The following SHMT2 variants were observed in gnomAD, a reference collection of about 807,000 sequenced individuals.
SHMT2 encodes the protein serine hydroxymethyltransferase 2.
Under a neutral mutation model 59.6 loss-of-function variants are expected in SHMT2, and 38 were observed. That is an observed-to-expected ratio of 0.64 (90% CI 0.49 to 0.84). The LOEUF (loss-of-function observed/expected upper bound fraction) is 0.84, where lower values mean the gene tolerates loss of function less well. Ranked by LOEUF, SHMT2 falls within the 40% of genes least tolerant of loss-of-function variation. The probability of loss-of-function intolerance (pLI) is 0.00; values close to 1 mark genes in which losing one functional copy is unlikely to be tolerated. For missense variants in SHMT2, 533 were observed against 659.5 expected, an observed-to-expected ratio of 0.81 and a Z score of 2.10; for synonymous variants, 254 against 258.1, an observed-to-expected ratio of 0.98 and a Z score of 0.15.
At position 57,233,192 on chromosome 12, in the gene SHMT2, C is replaced by A; in HGVS notation, c.870C>A (p.Ile290=). ...ACCTCTCACACAGGTCAGGGCTCAT[C>A]TTCTACCGGAAAGGGGTGAAGGCTG... is the stretch of plus-strand genomic sequence containing the variant. ...KTLRGARSGL[I]FYRKGVKAVD... Residue 290 remains isoleucine (I), a synonymous_variant, in exon 8 of 12, where the codon ATC becomes ATA. Transcript: ENST00000328923. 1 of 1,566,276 alleles carries A rather than the reference C, an allele frequency of 6.4e-7. No individual in the cohort carries two copies. Among genetic ancestry groups the A allele is most frequent in the South Asian group, 1.2e-5 (1 of 84,574 alleles).
At chr12:57,231,311 A>T (rs765565641) in intron 2 of SHMT2, 170 bp from the exon 3 acceptor site, 163 of 703,278 alleles carry the variant, frequency 2.3e-4, no homozygotes, top group South Asian at 8.3e-4. Context: ...CTCATGGCAG[A>T]TGGGTTTCTG....
intron 1 of SHMT2, 128 bp downstream of exon 1, chr12:57,229,939 G>T (rs1222291991): frequency 6.7e-7 from 1 of 1,491,666 alleles, no homozygotes; most frequent in African/African-American, 1.4e-5. Context: ...CTCAGGGAGC[G>T]GACGTGTAAC....
At position 57,231,005 on chromosome 12, in the gene SHMT2, G is replaced by C; in HGVS notation, c.231+5G>C. The C allele has an allele frequency of 6.2e-7, 1 of 1,613,098 alleles. No homozygotes were observed. Among genetic ancestry groups the C allele is most frequent in the Non-Finnish European group, 8.5e-7 (1 of 1,179,940 alleles). ...CTGGAGCTCATTGCCTCAGAGGTGGGACCTGGGGAGATGGGCAGGGGTTGG... is the reference window on the plus strand; with the variant it reads ...CTGGAGCTCATTGCCTCAGAGGTGGCACCTGGGGAGATGGGCAGGGGTTGG... On this transcript the variant is annotated splice_donor_5th_base_variant and intron_variant, in intron 2 of 11. Transcript: ENST00000328923.
chr12:57,232,669 C>A (rs141575043), intron 6 of SHMT2, 35 bp from the exon 7 acceptor site: 1 of 1,607,182 alleles, frequency 6.2e-7, no homozygotes, highest in Non-Finnish European at 8.5e-7. Context: ...TCCGGGCCCT[C>A]CCCAGGCTGA....
In SHMT2 at chr12:57,231,561, G is replaced by A. The variant is rs2037318424; in HGVS notation, c.311+1G>A. On this transcript the variant is annotated splice_donor_variant, in intron 3 of 11. Coordinates refer to ENST00000328923, the MANE Select transcript of SHMT2 (RefSeq NM_005412.6). LOFTEE classifies it high-confidence loss of function. ...ACTCGGAGGGTTATCCTGGCAAGAG[G>A]TGAGGGCTGGAGGGCAGTGTCAGGG... 6 of 1,614,228 alleles carry A rather than the reference G, an allele frequency of 3.7e-6. No homozygotes were observed. The highest frequency in any genetic ancestry group is 5.1e-6 in the Non-Finnish European group (6 of 1,180,042).
intron 1 of SHMT2, chr12:57,230,474 G>T: frequency 8.2e-7 from 1 of 1,220,558 alleles, no homozygotes; most frequent in Non-Finnish European, 1.0e-6. Context: ...TGGGTGGGAA[G>T]GTTCTGGAAT....
chr12:57,234,923 T>C lies in SHMT2; in HGVS notation c.*562T>C, dbSNP rs1308615323. On this transcript the variant is annotated 3_prime_UTR_variant, in exon 12 of 12. Transcript: ENST00000328923. Reference sequence around the variant, plus strand: ...GCAAATTCAATTTGTTAAATGAAATTGTATTTTGCCCACGGCTGCTTCTGT... The same window carrying C: ...GCAAATTCAATTTGTTAAATGAAATCGTATTTTGCCCACGGCTGCTTCTGT... 1 of 155,666 alleles carries C rather than the reference T, an allele frequency of 6.4e-6. No individual in the cohort carries two copies. Among genetic ancestry groups the C allele is most frequent in the Non-Finnish European group, 1.4e-5 (1 of 70,116 alleles). The allele number at this position is 155,666 out of a possible 1,614,324, so 9.6% of individuals were successfully genotyped here.
chr12:57,231,450 T>G (rs1326151002), intron 2 of SHMT2, 31 bp from the exon 3 acceptor site: 11 of 1,609,730 alleles, frequency 6.8e-6, no homozygotes, highest in African/African-American at 1.3e-5. Flanking sequence ...AGGGGCTCAA[T>G]ACCTTCTGAC....
rs1282368353 is a variant in SHMT2 at position 57,234,223 on chromosome 12, T to C, written c.1388-11T>C. The C allele has an allele frequency of 1.9e-6, 3 of 1,609,732 alleles. No homozygotes were observed. Among genetic ancestry groups the C allele is most frequent in the Non-Finnish European group, 2.5e-6 (3 of 1,177,284 alleles). On this transcript the variant is annotated splice_polypyrimidine_tract_variant and intron_variant, in intron 11 of 11. Coordinates refer to ENST00000328923, the MANE Select transcript of SHMT2 (RefSeq NM_005412.6). ...GCTCTGACCACTTGTTTCCTCACCC[T>C]CTCTCTCTAGCCAAGCTCCAGGATT... is the stretch of plus-strand genomic sequence containing the variant.
chr12:57,234,043 C>A lies in SHMT2; in HGVS notation c.1320C>A (p.Asp440Glu). The change falls in exon 11 of 12, where the codon GAC becomes GAA. Residue 440 changes from aspartate (D) to glutamate (E), a missense_variant. Physicochemically the swap from Asp to Glu is conservative, Grantham distance 45. Transcript: ENST00000328923. ...CTTCTCGACAGTTCCGTGAGGATGA[C>A]TTCCGGAGAGTTGTGGACTTTATAG... The part of the protein sequence containing the change: ...ALTSRQFRED[D>E]FRRVVDFIDE... The A allele has an allele frequency of 1.2e-6, 2 of 1,614,222 alleles. No homozygotes were observed. Among genetic ancestry groups the A allele is most frequent in the Non-Finnish European group, 1.7e-6 (2 of 1,180,042 alleles).
In SHMT2 at chr12:57,231,920, A is replaced by G. The variant is rs1221102420; in HGVS notation, c.512+7A>G. Reference sequence around the variant, plus strand: ...ACCTGCCCGATGGGGGCCAGTGAGTATGGATGGGCTGGCTGATGGTCTTGG... The same window carrying G: ...ACCTGCCCGATGGGGGCCAGTGAGTGTGGATGGGCTGGCTGATGGTCTTGG... On this transcript the variant is annotated splice_region_variant and intron_variant, in intron 4 of 11. Transcript: ENST00000328923. The G allele has an allele frequency of 6.2e-7, 1 of 1,602,140 alleles. No individual in the cohort carries two copies. Among genetic ancestry groups the G allele is most frequent in the South Asian group, 1.1e-5 (1 of 89,766 alleles).
At position 57,232,686 on chromosome 12, in the gene SHMT2, G is replaced by A; in HGVS notation, c.718-18G>A. The A allele has an allele frequency of 6.2e-7, 1 of 1,606,368 alleles. No homozygotes were observed. Among genetic ancestry groups the A allele is most frequent in the Non-Finnish European group, 8.5e-7 (1 of 1,173,982 alleles). Reference sequence around the variant, plus strand: ...CGGGCCCTCCCCAGGCTGAGGCCTTGCCTCTGTACCTGCCCAGGTGTGTGA... The same window carrying A: ...CGGGCCCTCCCCAGGCTGAGGCCTTACCTCTGTACCTGCCCAGGTGTGTGA... On this transcript the variant is annotated intron_variant, in intron 6 of 11. Coordinates refer to ENST00000328923, the MANE Select transcript of SHMT2 (RefSeq NM_005412.6).
At chr12:57,232,930 A>C in intron 7 of SHMT2, 87 bp downstream of exon 7, 1 of 1,524,784 alleles carries the variant, frequency 6.6e-7, no homozygotes, top group Non-Finnish European at 8.9e-7. Context: ...AGAGGAATTC[A>C]TTCCCACCTG....
At chr12:57,231,040 G>A in intron 2 of SHMT2, 40 bp downstream of exon 2, 1 of 1,582,876 alleles carries the variant, frequency 6.3e-7, no homozygotes, top group Non-Finnish European at 8.7e-7. Flanking sequence ...GGCCACCATG[G>A]GTACAGGAAG....
Position 57,232,498 on chromosome 12 carries a change from C to T in SHMT2, c.640C>T (p.Arg214Ter), listed in dbSNP as rs751759388. 1.9e-6 allele frequency: 3 copies of T among 1,614,066 alleles called. No individual in the cohort carries two copies. The highest frequency in any genetic ancestry group is 2.2e-5 in the East Asian group (1 of 44,890). Residue 214 changes from arginine (R) to a stop codon, truncating the protein, a stop_gained, in exon 6 of 12, where the codon CGA (arginine) becomes TGA (stop). Transcript: ENST00000328923. LOFTEE classifies it high-confidence loss of function. ...IDYNQLALTA[R>*]LFRPRLIIAG... ...CTACAACCAGCTGGCACTGACTGCT[C>T]GACTTTTCCGGCCACGGCTCATCAT... is the stretch of plus-strand genomic sequence containing the variant.
rs577627077 is a variant in SHMT2, at chr12:57,232,861, C to T, written c.857+18C>T. 22 of 1,596,532 alleles carry T rather than the reference C, an allele frequency of 1.4e-5. No individual in the cohort carries two copies. The African/African-American group carries it at 2.4e-4, about 17-fold the overall frequency. On this transcript the variant is annotated intron_variant, in intron 7 of 11. Coordinates refer to ENST00000328923, the MANE Select transcript of SHMT2 (RefSeq NM_005412.6). The stretch of plus-strand genomic sequence containing the variant: ...GGGGCCAGGTCAGGCTCCCTGAGGT[C>T]GGGCCTTGCCTTTCCCTGCCTTCAG...
Position 57,232,588 on chromosome 12 carries a change from G to C in SHMT2, c.717+13G>C, listed in dbSNP as rs562939107. ...CCGCATGAGAGAGGTTGGTGGGGGG[G>C]GCTGGAGACTGGGCACCTCCCCAGG... On this transcript the variant is annotated intron_variant, in intron 6 of 11. Transcript: ENST00000328923. 3.1e-6 allele frequency: 5 copies of C among 1,614,076 alleles called. No homozygotes were observed. Among genetic ancestry groups the C allele is most frequent in the East Asian group, 2.2e-5 (1 of 44,876 alleles).
rs553466299 is a variant in SHMT2, at chr12:57,230,330, G to A, written c.34-473G>A. 5.4e-5 allele frequency: 61 copies of A among 1,136,854 alleles called. No individual in the cohort carries two copies. In the South Asian group the frequency reaches 6.1e-4, roughly 11 times the overall value. The allele number at this position is 1,136,854 out of a possible 1,614,324, so 70.4% of individuals were successfully genotyped here. A position where few individuals can be genotyped will look rare whatever the true frequency, so the allele number is the denominator to read the frequency against. On this transcript the variant is annotated intron_variant, in intron 1 of 11. Coordinates refer to ENST00000328923, the MANE Select transcript of SHMT2 (RefSeq NM_005412.6). ...CCACTCCCACACAGCTCTTCCTCAC[G>A]GACTGCTAAAGGTCTCCCCTCCCAC...
intron 6 of SHMT2, 47 bp from the exon 7 acceptor site, chr12:57,232,655 CCT>C: frequency 1.2e-6 from 2 of 1,608,142 alleles, no homozygotes; most frequent in Non-Finnish European, 8.5e-7. Flanking sequence ...CTTGGGCAGG[CCT>C]CTCCGGGCCC....
Sources: allele counts gnomAD v4.1 joint callset, GRCh38; gene constraint gnomAD v4.1.1; transcripts MANE v1.5; gene names NCBI Gene and HGNC (gene_info 2026-07-23, HGNC 2026-07-21).